GALNT6: variants seen among roughly 807,000 people sequenced by gnomAD.
GALNT6 encodes the protein GalNAc transferase 6.
GALNT6 carries 51 observed loss-of-function variants against 65.9 expected under a neutral mutation model. The ratio of observed to expected loss-of-function variants is 0.77; its 90% CI spans 0.62 to 0.98. The LOEUF is 0.98. Among genes scored for constraint, GALNT6 ranks in the 50% least tolerant of loss-of-function variants. The pLI, the probability that GALNT6 is intolerant of heterozygous loss-of-function variation, is 0.00. For missense variants in GALNT6, 708 were observed against 803.3 expected (o/e 0.88, Z 1.43); for synonymous variants, 323 against 315.1 (o/e 1.02, Z -0.26).
chr12:51,387,650 G>A lies in GALNT6; in HGVS notation c.-104+3200C>T, dbSNP rs1015131344. On this transcript the variant is annotated intron_variant, in intron 2 of 11. Coordinates refer to ENST00000356317, the MANE Select transcript of GALNT6 (RefSeq NM_007210.4). This position sits in a 1 kb window ranked among gnomAD's most constrained non-coding sequence, Gnocchi z 4.2. ...AGGCCCTTCCAGGTGGGGCAGGGGT[G>A]TGCAACGGTTTATCCCTAGGAGTGC... Among the ~76,000 whole-genome samples, 1 of 152,166 alleles carries A rather than the reference G, an allele frequency of 6.6e-6. No individual in the cohort carries two copies. Among genetic ancestry groups the A allele is most frequent in the Non-Finnish European group, 1.5e-5 (1 of 68,030 alleles).
Position 51,358,281 on chromosome 12 carries a change from C to G in GALNT6, c.1369-20G>C. 1.2e-6 allele frequency: 2 copies of G among 1,610,842 alleles called. No homozygotes were observed. The highest frequency in any genetic ancestry group is 1.7e-6 in the Non-Finnish European group (2 of 1,178,182). The stretch of plus-strand genomic sequence containing the variant: ...GGATTTCTGTCAATCAAGCCAGCCC[C>G]CTAAGGATCAGTTCCACCAGTTTTT... On this transcript the variant is annotated intron_variant, in intron 8 of 11. Transcript: ENST00000356317.
intron 3 of GALNT6, among the ~76,000 whole-genome samples, chr12:51,378,962 A>G (rs2137738685): frequency 1.3e-5 from 2 of 151,248 alleles, no homozygotes; most frequent in South Asian, 4.2e-4. Context: ...TACTGAAACC[A>G]CAGCTTGGTA....
At chr12:51,363,053 T>C (rs540409522) in intron 6 of GALNT6, among the ~76,000 whole-genome samples, 4 of 152,146 alleles carry the variant, frequency 2.6e-5, no homozygotes, top group African/African-American at 4.8e-5. Flanking sequence ...GAAGCACCAA[T>C]CCTTTCCTCC....
At chr12:51,361,427 G>T (rs376616397) in intron 6 of GALNT6, among the ~76,000 whole-genome samples, 1 of 152,220 alleles carries the variant, frequency 6.6e-6, no homozygotes, top group East Asian at 1.9e-4. Context: ...TACACTGCAT[G>T]AGAAACTGTA....
At position 51,375,764 on chromosome 12, in the gene GALNT6, G is replaced by A. The variant is rs139395424; in HGVS notation, c.664+1431C>T. Among the ~76,000 whole-genome samples the A allele has an allele frequency of 7.9e-5, 12 of 152,028 alleles. No individual in the cohort carries two copies. The East Asian group carries it at 2.3e-3, about 29-fold the overall frequency. On this transcript the variant is annotated intron_variant, in intron 4 of 11. Coordinates refer to ENST00000356317, the MANE Select transcript of GALNT6 (RefSeq NM_007210.4). Reference sequence around the variant, plus strand: ...GTAGATACGGGGTTTCACCATATTGGCCGGGCTGTCTCGAACTCCTGACCT... The same window carrying A: ...GTAGATACGGGGTTTCACCATATTGACCGGGCTGTCTCGAACTCCTGACCT...
rs1401692491 is a variant in GALNT6 at position 51,359,344 on chromosome 12, G to A, written c.1168-12C>T. 1 of 1,595,466 alleles carries A rather than the reference G, an allele frequency of 6.3e-7. No individual in the cohort carries two copies. Among genetic ancestry groups the A allele is most frequent in the Admixed American group, 1.7e-5 (1 of 58,962 alleles). On this transcript the variant is annotated splice_polypyrimidine_tract_variant and intron_variant, in intron 7 of 11. Transcript: ENST00000356317. ...CCACACTGCCACACCTGATGTAAGA[G>A]GAGACAGGATGAGGCCTTCAGTGGG...
chr12:51,375,375 A>G (rs1947418063), intron 4 of GALNT6, among the ~76,000 whole-genome samples: 1 of 152,146 alleles, frequency 6.6e-6, no homozygotes, highest in Non-Finnish European at 1.5e-5. Context: ...GACCAGCCCT[A>G]GCCACGCCAG....
At chr12:51,375,212 C>T (rs1253140606) in intron 4 of GALNT6, among the ~76,000 whole-genome samples, 1 of 152,150 alleles carries the variant, frequency 6.6e-6, no homozygotes, top group Non-Finnish European at 1.5e-5. Flanking sequence ...CCTAAACAAA[C>T]CTAAGCTTCA....
chr12:51,390,253 C>T (rs1366507711), intron 2 of GALNT6, among the ~76,000 whole-genome samples: 1 of 148,518 alleles, frequency 6.7e-6, no homozygotes, highest in African/African-American at 2.5e-5. Flanking sequence ...ACCTCTGCTT[C>T]CCAGGTTCAA....
At position 51,364,053 on chromosome 12, in the gene GALNT6, T is replaced by A; in HGVS notation, c.1049+68A>T. On this transcript the variant is annotated intron_variant, in intron 6 of 11. Transcript: ENST00000356317. ...GCACCTAACAAATGTTGATGTGAGATGGCACAGGTTCCTGGAACTGGGTAG... is the reference window on the plus strand; with the variant it reads ...GCACCTAACAAATGTTGATGTGAGAAGGCACAGGTTCCTGGAACTGGGTAG... 3.9e-6 allele frequency: 4 copies of A among 1,022,386 alleles called. No individual in the cohort carries two copies. The South Asian group carries it at 5.1e-5, about 13-fold the overall frequency. The allele number at this position is 1,022,386 out of a possible 1,614,324, so 63.3% of individuals were successfully genotyped here. A position where few individuals can be genotyped will look rare whatever the true frequency, so the allele number is the denominator to read the frequency against.
Position 51,352,486 on chromosome 12 carries a change from AT to A in GALNT6, c.*1892del, listed in dbSNP as rs1946639391. ...TGTTAGAAGTTAGGGGCTGGAAGGC[AT>A]TACCTGTCCCTCTCTCAATTTCACT... is the stretch of plus-strand genomic sequence containing the variant. On this transcript the variant is annotated 3_prime_UTR_variant, in exon 12 of 12. Transcript: ENST00000356317. The A allele has an allele frequency of 6.6e-6, 1 of 152,202 alleles. No homozygotes were observed. The highest frequency in any genetic ancestry group is 2.4e-5 in the African/African-American group (1 of 41,444). The allele number at this position is 152,202 out of a possible 1,614,324, so 9.4% of individuals were successfully genotyped here.
intron 6 of GALNT6, among the ~76,000 whole-genome samples, chr12:51,362,409 G>A (rs745626250): frequency 2.0e-5 from 3 of 152,124 alleles, no homozygotes; most frequent in Non-Finnish European, 4.4e-5. Flanking sequence ...GAGGCCGGGA[G>A]GGGACTGTCA....
At chr12:51,388,833 T>C (rs1003510143) in intron 2 of GALNT6, among the ~76,000 whole-genome samples, 1 of 152,248 alleles carries the variant, frequency 6.6e-6, no homozygotes, top group Non-Finnish European at 1.5e-5. Flanking sequence ...ATTTTGCTAG[T>C]CTGTTCTTCA....
intron 3 of GALNT6, among the ~76,000 whole-genome samples, chr12:51,379,053 G>A (rs904444511): frequency 4.6e-5 from 7 of 152,158 alleles, no homozygotes; most frequent in African/African-American, 1.7e-4. Flanking sequence ...TTTCATAATT[G>A]CATTTCACTC....
intron 4 of GALNT6, among the ~76,000 whole-genome samples, chr12:51,373,504 G>T (rs1227092659): frequency 6.6e-6 from 1 of 152,134 alleles, no homozygotes; most frequent in Non-Finnish European, 1.5e-5. Context: ...GTTTCCTGAG[G>T]TCTCCCCAGC....
chr12:51,368,829 A>G (rs1947196114), intron 4 of GALNT6, among the ~76,000 whole-genome samples: 1 of 152,188 alleles, frequency 6.6e-6, no homozygotes, highest in African/African-American at 2.4e-5. Context: ...TAACTCCAGG[A>G]ATGAGGCCTC....
Position 51,387,570 on chromosome 12 carries a change from T to C in GALNT6, c.-104+3280A>G, listed in dbSNP as rs1246228295. 6.6e-6 allele frequency among the ~76,000 whole-genome samples: 1 copy of C among 152,140 alleles called. No homozygotes were observed. The highest frequency in any genetic ancestry group is 6.5e-5 in the Admixed American group (1 of 15,270). On this transcript the variant is annotated intron_variant, in intron 2 of 11. Transcript: ENST00000356317. This position sits in a 1 kb window ranked among gnomAD's most constrained non-coding sequence, Gnocchi z 4.2. Reference sequence around the variant, plus strand: ...AAAAAGTCACCAAAAATCAAAATAATATGCCACCAAACAGGAGGTTCAACA... The same window carrying C: ...AAAAAGTCACCAAAAATCAAAATAACATGCCACCAAACAGGAGGTTCAACA...
rs1251597348 is a variant in GALNT6 at position 51,354,353 on chromosome 12, G to T, written c.*26C>A. ...TCCTGTTTCCTGAGGAGCTTGTGGG[G>T]GCTCTCTCTGGGGATGATCTGGGTC... is the stretch of plus-strand genomic sequence containing the variant. On this transcript the variant is annotated 3_prime_UTR_variant, in exon 12 of 12. Transcript: ENST00000356317. The T allele has an allele frequency of 8.1e-7, 1 of 1,227,880 alleles. No homozygotes were observed. The highest frequency in any genetic ancestry group is 2.6e-5 in the Admixed American group (1 of 38,496). 76.1% of individuals were successfully genotyped at this position (1,227,880 alleles called of 1,614,324 possible).
intron 2 of GALNT6, among the ~76,000 whole-genome samples, chr12:51,386,785 A>AC (rs1283871593): frequency 6.6e-6 from 1 of 152,110 alleles, no homozygotes; most frequent in African/African-American, 2.4e-5. Context: ...TGGCCAAATG[A>AC]CCGTCCTTTC....
Sources: allele counts gnomAD v4.1 joint callset (sites outside exome capture counted in the v4.1 genomes callset), GRCh38; gene constraint gnomAD v4.1.1; non-coding constraint Gnocchi (gnomAD v3.1); transcripts MANE v1.5; gene names NCBI Gene and HGNC (gene_info 2026-07-23, HGNC 2026-07-21).